RMDN2: variants seen among roughly 807,000 people sequenced by gnomAD.
RMDN2 encodes the protein regulator of microtubule dynamics 2.
RMDN2 carries 61 observed loss-of-function variants against 52.8 expected under a neutral mutation model. The ratio of observed to expected loss-of-function variants is 1.16; its 90% confidence interval spans 0.94 to 1.43. The LOEUF is 1.43. Among genes scored for constraint, RMDN2 ranks in the 40% most tolerant of loss-of-function variants. RMDN2 has a pLI of 0.00. For missense variants in RMDN2, 592 were observed against 475.3 expected, an observed-to-expected ratio of 1.25 and a Z score of -2.28; for synonymous variants, 180 against 153.1, an observed-to-expected ratio of 1.18 and a Z score of -1.30.
At chr2:37,978,628 C>G (rs930690354) in intron 4 of RMDN2, among the ~76,000 whole-genome samples, 1 of 152,142 alleles carries the variant, frequency 6.6e-6, no homozygotes, top group Non-Finnish European at 1.5e-5. Flanking sequence ...AAGCCCGAGA[C>G]CAGCCTGGGC....
chr2:37,952,187 A>G lies in RMDN2; in HGVS notation c.453-21853A>G, dbSNP rs200724936. ...ATGAAGACAGATCTTCACCTATTGA[A>G]ATTCCTAAAATAAGGTCACCTCAGA... On this transcript the variant is annotated intron_variant, in intron 2 of 10. Coordinates refer to ENST00000354545, the MANE Select transcript of RMDN2 (RefSeq NM_001170791.3). 1.4e-5 allele frequency: 22 copies of G among 1,613,158 alleles called. No individual in the cohort carries two copies. In the East Asian group the frequency reaches 4.9e-4, roughly 36 times the overall value.
chr2:38,025,128 G>A (rs908754948), intron 10 of RMDN2, among the ~76,000 whole-genome samples: 1 of 152,042 alleles, frequency 6.6e-6, no homozygotes. Context: ...TTTAAGTCTT[G>A]CAACCCATGA....
chr2:37,922,086 C>A (rs1312573893), upstream of RMDN2, among the ~76,000 whole-genome samples: 1 of 152,114 alleles, frequency 6.6e-6, no homozygotes, highest in Non-Finnish European at 1.5e-5. Context: ...TTAGGGTGTT[C>A]TTAATTTAAA....
chr2:37,993,083 T>G (rs993686564), intron 7 of RMDN2, among the ~76,000 whole-genome samples: 1 of 152,046 alleles, frequency 6.6e-6, no homozygotes, highest in African/African-American at 2.4e-5. Context: ...CTCGGGTATT[T>G]TTTTATTTTA....
At chr2:38,036,688 A>G (rs558878651) in intron 10 of RMDN2, 1 of 152,136 alleles carries the variant, frequency 6.6e-6, no homozygotes, top group East Asian at 1.9e-4. Context: ...TACATGCTGA[A>G]CTCACATCAA....
At chr2:37,966,478 C>G (rs914241900) in intron 2 of RMDN2, among the ~76,000 whole-genome samples, 2 of 151,956 alleles carry the variant, frequency 1.3e-5, no homozygotes, top group South Asian at 2.1e-4. Context: ...TGGCTTTGGC[C>G]GTTGTTTCTT....
At chr2:37,934,420 T>G (rs79321427) in intron 2 of RMDN2, among the ~76,000 whole-genome samples, 5,394 of 152,334 alleles carry the variant, frequency 0.035, 130 homozygotes, top group East Asian at 0.091. Context: ...CAAATTCTCA[T>G]AAGGTGGCCC....
intron 2 of RMDN2, chr2:37,951,142 C>A: frequency 7.9e-7 from 1 of 1,271,882 alleles, no homozygotes; most frequent in Non-Finnish European, 1.1e-6. Flanking sequence ...TGGTGGACAC[C>A]AAAAGGTGGA....
chr2:37,986,196 A>G (rs978565321), intron 5 of RMDN2, among the ~76,000 whole-genome samples: 4 of 152,168 alleles, frequency 2.6e-5, no homozygotes, highest in African/African-American at 9.7e-5. Context: ...TGTTCCCCAA[A>G]CTGGAACTCG....
At chr2:38,021,384 C>A (rs778171873), downstream of RMDN2, among the ~76,000 whole-genome samples, 2 of 152,044 alleles carry the variant, frequency 1.3e-5, no homozygotes, top group South Asian at 2.1e-4. Flanking sequence ...CTGCTGGGGT[C>A]CCCCTCTGCA....
chr2:38,017,697 T>G lies in RMDN2; in HGVS notation c.*458T>G. The G allele has an allele frequency of 4.4e-6, 2 of 458,084 alleles. No individual in the cohort carries two copies. Among genetic ancestry groups the G allele is most frequent in the Non-Finnish European group, 7.5e-6 (2 of 266,958 alleles). The allele number at this position is 458,084 out of a possible 1,614,324, so 28.4% of individuals were successfully genotyped here. ...ACAAATGTAGTATTGTAACTGGTAA[T>G]CAAAAGATGTGAATAAAATTACAAT... On this transcript the variant is annotated 3_prime_UTR_variant, in exon 11 of 11. Transcript: ENST00000354545.
intron 10 of RMDN2, among the ~76,000 whole-genome samples, chr2:38,006,012 T>C (rs554466342): frequency 6.6e-6 from 1 of 152,348 alleles, no homozygotes; most frequent in East Asian, 1.9e-4. Flanking sequence ...CAGATGGTTG[T>C]AGATATGCAG....
Position 37,929,706 on chromosome 2 carries a change from A to G in RMDN2, c.429A>G (p.Ser143=). The change falls in exon 2 of 11, where the codon TCA becomes TCG. Residue 143 remains serine, a synonymous_variant. Transcript: ENST00000354545. ...AAAGTTCAGCAACAAGTAATAGTTCAGAGGAAGCAGAAAGTGAAGGAGGGT... is the reference window on the plus strand; with the variant it reads ...AAAGTTCAGCAACAAGTAATAGTTCGGAGGAAGCAGAAAGTGAAGGAGGGT... ...TIQSSATSNS[S]EEAESEGGYI... The G allele has an allele frequency of 1.6e-5, 24 of 1,513,294 alleles. No homozygotes were observed. The highest frequency in any genetic ancestry group is 2.0e-5 in the Non-Finnish European group (23 of 1,134,906). 93.7% of individuals were successfully genotyped at this position (1,513,294 alleles called of 1,614,324 possible). A position where few individuals can be genotyped will look rare whatever the true frequency, so the allele number is the denominator to read the frequency against.
intron 10 of RMDN2, among the ~76,000 whole-genome samples, chr2:38,043,123 A>G (rs1224937184): frequency 6.6e-6 from 1 of 152,098 alleles, no homozygotes; most frequent in Non-Finnish European, 1.5e-5. Flanking sequence ...GGATTTGTCT[A>G]TTTCTCCCTG....
chr2:37,967,728 T>C (rs1270319610), intron 2 of RMDN2, among the ~76,000 whole-genome samples: 2 of 152,240 alleles, frequency 1.3e-5, no homozygotes, highest in African/African-American at 4.8e-5. Flanking sequence ...TGCAAGAGTT[T>C]CTTTCAGTGG....
At chr2:37,966,561 A>G (rs1671081055) in intron 2 of RMDN2, among the ~76,000 whole-genome samples, 1 of 152,008 alleles carries the variant, frequency 6.6e-6, no homozygotes, top group South Asian at 2.1e-4. Context: ...TGTCTGCTTC[A>G]TGAGGCCCCG....
At chr2:37,977,496 C>CCGGG (rs1181425259) in intron 4 of RMDN2, among the ~76,000 whole-genome samples, 1 of 151,422 alleles carries the variant, frequency 6.6e-6, no homozygotes, top group Non-Finnish European at 1.5e-5. Context: ...GGGGCGGCTG[C>CCGGG]CGGGCGGAGA....
At chr2:37,933,817 A>T (rs1667064846) in intron 2 of RMDN2, among the ~76,000 whole-genome samples, 2 of 152,372 alleles carry the variant, frequency 1.3e-5, no homozygotes, top group East Asian at 1.9e-4. Flanking sequence ...AGAGAGGAGT[A>T]CAAAAAAATT....
Position 38,034,032 on chromosome 2 carries a change from G to GT in RMDN2, c.1713+29817dup, listed in dbSNP as rs1323064198. On this transcript the variant is annotated intron_variant, in intron 10 of 10. Coordinates refer to the RMDN2 transcript ENST00000234195. ...CCCCCCAGCTAGCTTTTCCTATTTT[G>GT]TAACTACAAAGAATATTAGTGTTTC... 2.6e-5 allele frequency among the ~76,000 whole-genome samples: 4 copies of GT among 152,306 alleles called. No individual in the cohort carries two copies. The East Asian group carries it at 7.7e-4, about 29-fold the overall frequency.
Sources: gnomAD v4.1 joint callset for allele counts (sites outside exome capture counted in the v4.1 genomes callset) on GRCh38, gnomAD v4.1.1 for gene constraint, MANE v1.5 for transcripts, NCBI Gene and HGNC (gene_info 2026-07-23, HGNC 2026-07-21) for gene names.